Variants in NRXN1 observed in about 807,000 individuals in gnomAD.
NRXN1 encodes the protein neurexin-1.
In NRXN1, 39 loss-of-function variants were observed where a neutral mutation model predicts 150.9. That is an observed-to-expected ratio of 0.26 (90% CI 0.20 to 0.34). The LOEUF is 0.34. Ranked by LOEUF, NRXN1 falls within the 10% of genes least tolerant of loss-of-function variation. The probability of loss-of-function intolerance (pLI) is 1.00; values close to 1 mark genes in which losing one functional copy is unlikely to be tolerated. For missense variants in NRXN1, 1,815 were observed against 1,949.9 expected (o/e 0.93, Z 1.30); for synonymous variants, 924 against 757.0 (o/e 1.22, Z -3.62).
chr2:50,072,122 T>C (rs769997493), intron 19 of NRXN1, among the ~76,000 whole-genome samples: 19 of 152,212 alleles, frequency 1.2e-4, no homozygotes, highest in Non-Finnish European at 2.2e-4. Context: ...TAACCTCTCA[T>C]ACCATTAAAT....
At chr2:49,998,731 C>T (rs1409501671) in intron 21 of NRXN1, among the ~76,000 whole-genome samples, 1 of 152,084 alleles carries the variant, frequency 6.6e-6, no homozygotes, top group African/African-American at 2.4e-5. Flanking sequence ...TACGTCGCTG[C>T]GATACACAGA....
At chr2:50,104,775 A>G (rs1452404367) in intron 18 of NRXN1, among the ~76,000 whole-genome samples, 2 of 151,944 alleles carry the variant, frequency 1.3e-5, no homozygotes, top group South Asian at 2.1e-4. Context: ...AAACTATACC[A>G]TTGCTCCTCT....
In NRXN1 at chr2:50,429,427, TG is replaced by T. The variant is rs2084768727; in HGVS notation, c.3364+36014del. ...ACATGCCATCACGCCTGGCTAATTT[TG>T]GTATTTTTAGTAGGGAGGGGGTTTC... On this transcript the variant is annotated intron_variant, in intron 17 of 22. Transcript: ENST00000401669. Among the ~76,000 whole-genome samples the T allele has an allele frequency of 2.0e-5, 3 of 151,978 alleles. No individual in the cohort carries two copies. In the South Asian group the frequency reaches 6.2e-4, roughly 32 times the overall value.
At chr2:50,306,772 A>G (rs2074651310) in intron 17 of NRXN1, among the ~76,000 whole-genome samples, 1 of 152,226 alleles carries the variant, frequency 6.6e-6, no homozygotes, top group African/African-American at 2.4e-5. Context: ...AGTGTAATCA[A>G]AATTCCAGAG....
intron 8 of NRXN1, among the ~76,000 whole-genome samples, chr2:50,575,159 G>C (rs996135862): frequency 2.0e-5 from 3 of 152,186 alleles, no homozygotes; most frequent in Admixed American, 6.5e-5. Context: ...AACATTTTGA[G>C]ATTCTGTTAT....
intron 18 of NRXN1, among the ~76,000 whole-genome samples, chr2:50,157,776 C>G (rs2059115084): frequency 1.3e-5 from 2 of 152,046 alleles, no homozygotes; most frequent in East Asian, 3.9e-4. Context: ...TTAAAGATCT[C>G]TTTTAAAGTG....
chr2:50,209,724 A>C (rs1365943386), intron 18 of NRXN1, among the ~76,000 whole-genome samples: 1 of 152,104 alleles, frequency 6.6e-6, no homozygotes. Flanking sequence ...GAAAACATTT[A>C]ACAGATATCT....
intron 21 of NRXN1, among the ~76,000 whole-genome samples, chr2:50,017,165 G>A (rs1156703986): frequency 2.0e-5 from 3 of 152,104 alleles, no homozygotes. Context: ...TCCCTGCTGT[G>A]TGGTGAGCAC....
intron 18 of NRXN1, among the ~76,000 whole-genome samples, chr2:50,158,827 G>A (rs572074752): frequency 9.9e-5 from 15 of 152,182 alleles, no homozygotes; most frequent in African/African-American, 3.6e-4. Flanking sequence ...TTTATTAAAA[G>A]ATAGACATTT....
chr2:50,052,724 C>A (rs1692916151), intron 21 of NRXN1, among the ~76,000 whole-genome samples: 1 of 151,982 alleles, frequency 6.6e-6, no homozygotes, highest in African/African-American at 2.4e-5. Flanking sequence ...CTCAGATAAA[C>A]CAATAGAATG....
intron 21 of NRXN1, among the ~76,000 whole-genome samples, chr2:49,988,557 CA>C (rs1327339898): frequency 6.8e-6 from 1 of 147,562 alleles, no homozygotes; most frequent in African/African-American, 2.5e-5. Flanking sequence ...GACTTAGTAA[CA>C]GAGTTCTCTT....
chr2:49,940,661 T>C (rs2104343554), intron 22 of NRXN1, among the ~76,000 whole-genome samples: 2 of 152,274 alleles, frequency 1.3e-5, no homozygotes, highest in East Asian at 3.9e-4. Context: ...CATTAGAAGC[T>C]ATCACATAAA....
intron 18 of NRXN1, among the ~76,000 whole-genome samples, chr2:50,110,701 T>G (rs1702270259): frequency 6.6e-6 from 1 of 152,146 alleles, no homozygotes; most frequent in Admixed American, 6.5e-5. Flanking sequence ...TAGCACTTCT[T>G]TTTGTCTTTT....
intron 18 of NRXN1, among the ~76,000 whole-genome samples, chr2:50,170,627 A>T (rs941213380): frequency 3.6e-4 from 54 of 152,092 alleles, no homozygotes; most frequent in African/African-American, 9.4e-4. Flanking sequence ...ATCATCATTC[A>T]TATTTTATAT....
chr2:50,802,028 T>C (rs777984388), intron 5 of NRXN1, among the ~76,000 whole-genome samples: 3 of 152,126 alleles, frequency 2.0e-5, no homozygotes, highest in Non-Finnish European at 4.4e-5. Context: ...ATTTTGATAG[T>C]TTAATATTTC....
intron 8 of NRXN1, among the ~76,000 whole-genome samples, chr2:50,564,838 T>A (rs1469772153): frequency 1.3e-5 from 2 of 152,188 alleles, no homozygotes; most frequent in Admixed American, 6.5e-5. Flanking sequence ...AAGTCCCACA[T>A]GATTCAGATG....
intron 17 of NRXN1, among the ~76,000 whole-genome samples, chr2:50,356,414 G>T (rs2078819773): frequency 6.6e-6 from 1 of 152,098 alleles, no homozygotes; most frequent in Non-Finnish European, 1.5e-5. Flanking sequence ...GAAATTTTTT[G>T]ATACCTGTAT....
intron 2 of NRXN1, among the ~76,000 whole-genome samples, chr2:50,947,132 T>A (rs961285451): frequency 6.6e-6 from 1 of 152,120 alleles, no homozygotes; most frequent in Non-Finnish European, 1.5e-5. Flanking sequence ...ACAAACATTT[T>A]TGTCCAGTCA....
In NRXN1 at chr2:50,269,956, A is replaced by G. The variant is rs72820825; in HGVS notation, c.3365-32986T>C. ...TCCATTATTTGGACTTACAAAAAGC[A>G]CATTCTGTTAAAACAAAATTAAATT... On this transcript the variant is annotated intron_variant, in intron 17 of 22. Coordinates refer to ENST00000401669, the MANE Select transcript of NRXN1 (RefSeq NM_001330078.2). 6.7e-3 allele frequency among the ~76,000 whole-genome samples: 1,024 copies of G among 152,312 alleles called. 7 individuals are homozygous for G. The highest frequency in any genetic ancestry group is 0.01 in the Non-Finnish European group (681 of 68,028).
Sources: gnomAD v4.1 joint callset for allele counts (sites outside exome capture counted in the v4.1 genomes callset) on GRCh38, gnomAD v4.1.1 for gene constraint, MANE v1.5 for transcripts, NCBI Gene and HGNC (gene_info 2026-07-23, HGNC 2026-07-21) for gene names.